Variants in ADGRA1 observed in about 807,000 individuals in gnomAD.
ADGRA1 encodes G-protein coupled receptor 123.
ADGRA1 carries 12 observed loss-of-function variants against 21.3 expected under a neutral mutation model. That is an observed-to-expected ratio of 0.56 (90% confidence interval 0.36 to 0.91). The LOEUF (loss-of-function observed/expected upper bound fraction) is 0.91, where lower values mean the gene tolerates loss of function less well. Ranked by LOEUF, ADGRA1 falls within the 40% of genes least tolerant of loss-of-function variation. The pLI is 0.01. For missense variants in ADGRA1, 790 were observed against 805.6 expected (o/e 0.98, Z 0.23); for synonymous variants, 385 against 368.8 (o/e 1.04, Z -0.50).
At chr10:133,118,709 T>G (rs1363482442) in intron 5 of ADGRA1, among the ~76,000 whole-genome samples, 2 of 152,078 alleles carry the variant, frequency 1.3e-5, no homozygotes, top group Non-Finnish European at 2.9e-5. Context: ...CCTCAACACA[T>G]GGGGATTATG....
chr10:133,097,000 C>G lies in ADGRA1; in HGVS notation c.30C>G (p.Pro10=), dbSNP rs567251647. 6.2e-7 allele frequency: 1 copy of G among 1,613,506 alleles called. No individual in the cohort carries two copies. Among genetic ancestry groups the G allele is most frequent in the Non-Finnish European group, 8.5e-7 (1 of 1,179,842 alleles). Reference sequence around the variant, plus strand: ...ATCTGAAGACAGTGCTCTCCCTGCCCCGCTACCCAGGGGAGTTCCTGCACC... The same window carrying G: ...ATCTGAAGACAGTGCTCTCCCTGCCGCGCTACCCAGGGGAGTTCCTGCACC... MDLKTVLSL[P]RYPGEFLHPV... Residue 10 remains proline (P), a synonymous_variant, in exon 3 of 7, where the codon CCC becomes CCG. Coordinates refer to ENST00000392607, the MANE Select transcript of ADGRA1 (RefSeq NM_001083909.3).
intron 3 of ADGRA1, 109 bp from the exon 4 acceptor site, chr10:133,098,531 G>A (rs981658297): frequency 2.0e-4 from 268 of 1,373,604 alleles, no homozygotes; most frequent in Non-Finnish European, 2.2e-4. Context: ...CTGACCCCAC[G>A]GAGAGCCCGG....
intron 5 of ADGRA1, among the ~76,000 whole-genome samples, chr10:133,118,495 G>A (rs1415180616): frequency 4.6e-5 from 7 of 152,108 alleles, no homozygotes; most frequent in African/African-American, 1.7e-4. Context: ...GAAGGTGAAG[G>A]GGAGGCCTCA....
At chr10:133,121,740 T>G (rs1852265980) in intron 5 of ADGRA1, among the ~76,000 whole-genome samples, 1 of 146,970 alleles carries the variant, frequency 6.8e-6, no homozygotes, top group South Asian at 2.2e-4. Context: ...CTTGTGTGTG[T>G]GGTGTGTGCC....
At chr10:133,117,538 T>A (rs925192562) in intron 5 of ADGRA1, among the ~76,000 whole-genome samples, 6 of 152,186 alleles carry the variant, frequency 3.9e-5, no homozygotes, top group Admixed American at 3.9e-4. Flanking sequence ...GATCAGGCCC[T>A]CACTAGCCCG....
At chr10:133,123,977 G>C (rs1489134339) in intron 5 of ADGRA1, among the ~76,000 whole-genome samples, 1 of 152,200 alleles carries the variant, frequency 6.6e-6, no homozygotes, top group African/African-American at 2.4e-5. Context: ...AAGAGAACGT[G>C]GATGTCTGGG....
chr10:133,122,826 C>T (rs151101376), intron 5 of ADGRA1, among the ~76,000 whole-genome samples: 126 of 143,842 alleles, frequency 8.8e-4, no homozygotes, highest in Non-Finnish European at 1.2e-3. Flanking sequence ...CCCAGGCACA[C>T]GCGTCCCCAG....
intron 5 of ADGRA1, among the ~76,000 whole-genome samples, chr10:133,111,934 A>ACCACCTGCCCACCACGG (rs1564849643): frequency 5.5e-5 from 1 of 18,152 alleles, no homozygotes; most frequent in Admixed American, 6.5e-4. Flanking sequence ...GCCCGCCGTG[A>ACCACCTGCCCACCACGG]GCACCTCCCT....
At chr10:133,097,668 C>T (rs1197633405) in intron 3 of ADGRA1, among the ~76,000 whole-genome samples, 1 of 152,174 alleles carries the variant, frequency 6.6e-6, no homozygotes, top group African/African-American at 2.4e-5. Flanking sequence ...TGGGCGGTTC[C>T]GAAACTGTCA....
chr10:133,106,666 C>G (rs573137517), intron 5 of ADGRA1, among the ~76,000 whole-genome samples: 1 of 152,262 alleles, frequency 6.6e-6, no homozygotes. Flanking sequence ...ATCGGGGGTA[C>G]GGCAGCAGAC....
chr10:133,095,545 C>T (rs1851672500), intron 2 of ADGRA1: 15 of 1,341,446 alleles, frequency 1.1e-5, no homozygotes, highest in Middle Eastern at 1.9e-4. Flanking sequence ...CTCCTCGTCC[C>T]GGGATGCAGG....
intron 5 of ADGRA1, among the ~76,000 whole-genome samples, chr10:133,125,302 CTGTT>C (rs1331519859): frequency 6.6e-6 from 1 of 152,166 alleles, no homozygotes; most frequent in East Asian, 1.9e-4. Flanking sequence ...CTACATTTTA[CTGTT>C]TGTTTTCCGT....
intron 5 of ADGRA1, 71 bp from the exon 6 acceptor site, chr10:133,127,162 G>A: frequency 1.0e-6 from 1 of 974,398 alleles, no homozygotes; most frequent in Non-Finnish European, 1.5e-6. Context: ...GCGGAGTGGG[G>A]GAGGGACAGC....
intron 2 of ADGRA1, chr10:133,089,134 C>A (rs1851556637): frequency 6.4e-6 from 5 of 780,882 alleles, no homozygotes; most frequent in Non-Finnish European, 8.7e-6. Flanking sequence ...GCTGATCATA[C>A]TAATGAGTTG....
Position 133,102,756 on chromosome 10 carries a change from C to G in ADGRA1, c.315C>G (p.Ala105=). 1 of 1,612,822 alleles carries G rather than the reference C, an allele frequency of 6.2e-7. No individual in the cohort carries two copies. Among genetic ancestry groups the G allele is most frequent in the Non-Finnish European group, 8.5e-7 (1 of 1,179,852 alleles). ...CCATGCTGTGGATAGGAGTGACCGC[C>G]AGGAACATCTACAAGCAGGTGACCA... is the stretch of plus-strand genomic sequence containing the variant. ...LSTMLWIGVT[A]RNIYKQVTKK... Residue 105 remains alanine, a synonymous_variant, in exon 5 of 7, where the codon GCC becomes GCG. Coordinates refer to ENST00000392607, the MANE Select transcript of ADGRA1 (RefSeq NM_001083909.3).
At chr10:133,089,693 A>T (rs1851566245) in intron 2 of ADGRA1, among the ~76,000 whole-genome samples, 1 of 152,210 alleles carries the variant, frequency 6.6e-6, no homozygotes, top group Non-Finnish European at 1.5e-5. Flanking sequence ...TTCGGAGCAG[A>T]CCCAGTGTTC....
At chr10:133,126,550 G>T (rs907292424) in intron 5 of ADGRA1, among the ~76,000 whole-genome samples, 1 of 152,210 alleles carries the variant, frequency 6.6e-6, no homozygotes, top group Non-Finnish European at 1.5e-5. Flanking sequence ...CATGGGTCCG[G>T]GTGGGGGCTG....
intron 2 of ADGRA1, among the ~76,000 whole-genome samples, chr10:133,091,617 T>C (rs1206860104): frequency 6.6e-6 from 1 of 152,212 alleles, no homozygotes; most frequent in African/African-American, 2.4e-5. Flanking sequence ...ACCGAGCCCC[T>C]TCCAGCTCTC....
chr10:133,112,323 G>A (rs867672030), intron 5 of ADGRA1, among the ~76,000 whole-genome samples: 15 of 151,214 alleles, frequency 9.9e-5, no homozygotes, highest in South Asian at 2.1e-4. Flanking sequence ...GGGCCGCATC[G>A]GTTATCTGGG....
Sources: allele counts gnomAD v4.1 joint callset (sites outside exome capture counted in the v4.1 genomes callset), GRCh38; gene constraint gnomAD v4.1.1; transcripts MANE v1.5; gene names NCBI Gene and HGNC (gene_info 2026-07-23, HGNC 2026-07-21).